Variants in RBFOX1 observed in about 807,000 individuals in gnomAD.
The protein encoded by RBFOX1 is RNA binding fox-1 homolog 1.
Under a neutral mutation model 57.7 loss-of-function variants are expected in RBFOX1, and 8 were observed. That is an observed-to-expected ratio of 0.14 (90% CI 0.08 to 0.25). RBFOX1 has a LOEUF of 0.25. Among genes scored for constraint, RBFOX1 ranks in the 10% least tolerant of loss-of-function variants. The pLI is 1.00. For synonymous variants in RBFOX1, 326 were observed against 222.4 expected (o/e 1.47, Z -4.15); for missense variants, 611 against 548.5 (o/e 1.11, Z -1.14).
At chr16:6,257,959 C>A (rs1036218867) in intron 1 of RBFOX1, among the ~76,000 whole-genome samples, 6 of 152,048 alleles carry the variant, frequency 3.9e-5, no homozygotes, top group African/African-American at 1.4e-4. Flanking sequence ...ATTGCTGAGT[C>A]AGATGGTAGT....
rs142705997 is a variant in RBFOX1, at chr16:6,445,286, C to T, written c.-64+128229C>T. 2.2e-3 allele frequency among the ~76,000 whole-genome samples: 327 copies of T among 152,052 alleles called. 2 individuals carry two copies. The highest frequency in any genetic ancestry group is 1.7e-3 in the East Asian group (9 of 5,156). On this transcript the variant is annotated intron_variant, in intron 2 of 15. Transcript: ENST00000550418. ...TAAGTTGTAGGGTACATGTGCTCAA[C>T]GTGCAGGTTTGTTACATATGTATAC...
At position 6,207,440 on chromosome 16, in the gene RBFOX1, T is replaced by G. The variant is rs74845290; in HGVS notation, c.-126-109555T>G. Among the ~76,000 whole-genome samples the G allele has an allele frequency of 2.6e-3, 389 of 152,230 alleles. 10 individuals carry two copies. In the East Asian group the frequency reaches 0.057, roughly 22 times the overall value. On this transcript the variant is annotated intron_variant, in intron 1 of 15. Transcript: ENST00000550418. The stretch of plus-strand genomic sequence containing the variant: ...AGAGGCAATCCGTTTGACAGAGGTG[T>G]TACTGGAATGATGAAAATCAAGGTG...
At chr16:7,577,174 A>C (rs2093404103) in intron 5 of RBFOX1, among the ~76,000 whole-genome samples, 1 of 152,200 alleles carries the variant, frequency 6.6e-6, no homozygotes, top group African/African-American at 2.4e-5. Flanking sequence ...GAGTGAGCCA[A>C]CTGTTAAACA....
intron 4 of RBFOX1, among the ~76,000 whole-genome samples, chr16:5,991,357 A>C (rs1012874018): frequency 3.3e-5 from 5 of 152,180 alleles, no homozygotes; most frequent in Admixed American, 1.3e-4. Flanking sequence ...GGGTAGCTAC[A>C]GCTCACAGTT....
intron 2 of RBFOX1, among the ~76,000 whole-genome samples, chr16:6,393,942 A>C (rs774436146): frequency 1.9e-4 from 29 of 152,218 alleles, no homozygotes; most frequent in Non-Finnish European, 2.8e-4. Context: ...GAAGAAGAAA[A>C]GTGGGAGAGG....
At chr16:6,895,444 G>GTATATATATATATATA (rs1341028814) in intron 3 of RBFOX1, among the ~76,000 whole-genome samples, 7 of 73,468 alleles carry the variant, frequency 9.5e-5, no homozygotes, top group East Asian at 4.7e-4. Context: ...GTGTGTGTGT[G>GTATATATATATATATA]TGTGTATATA....
chr16:7,596,110 T>C (rs1362177242), intron 8 of RBFOX1, among the ~76,000 whole-genome samples: 1 of 115,378 alleles, frequency 8.7e-6, no homozygotes, highest in Non-Finnish European at 1.7e-5. Flanking sequence ...TTTTGTTTGT[T>C]TGTTTGTTTT....
chr16:7,527,966 T>C (rs551224118), intron 5 of RBFOX1, among the ~76,000 whole-genome samples: 1 of 152,360 alleles, frequency 6.6e-6, no homozygotes, highest in East Asian at 1.9e-4. Context: ...ATTTTGTATT[T>C]AATGATTTAT....
chr16:5,403,466 C>CG (rs1412585566), intron 1 of RBFOX1, among the ~76,000 whole-genome samples: 1 of 151,746 alleles, frequency 6.6e-6, no homozygotes, highest in African/African-American at 2.4e-5. Context: ...TTTTTTGAGA[C>CG]GGAGTGTCAC....
At chr16:5,473,914 G>A (rs1208190404) in intron 2 of RBFOX1, among the ~76,000 whole-genome samples, 1 of 148,842 alleles carries the variant, frequency 6.7e-6, no homozygotes, top group Admixed American at 6.7e-5. Flanking sequence ...AATGAAGGAA[G>A]GAAGGGTGGG....
chr16:7,058,608 G>C (rs969941030), intron 4 of RBFOX1, among the ~76,000 whole-genome samples: 1 of 151,998 alleles, frequency 6.6e-6, no homozygotes, highest in Non-Finnish European at 1.5e-5. Flanking sequence ...ATGTGTCTTC[G>C]TGTTTGTATT....
chr16:6,297,838 A>T (rs1188400104), intron 1 of RBFOX1, among the ~76,000 whole-genome samples: 3 of 152,298 alleles, frequency 2.0e-5, no homozygotes, highest in Admixed American at 2.0e-4. Context: ...GAGATTGGCC[A>T]CTGGGTGGCG....
intron 4 of RBFOX1, among the ~76,000 whole-genome samples, chr16:5,900,784 C>A (rs2058287464): frequency 6.6e-6 from 1 of 152,206 alleles, no homozygotes; most frequent in Non-Finnish European, 1.5e-5. Flanking sequence ...TAGCCTCCTT[C>A]CTCTCCCTAG....
intron 3 of RBFOX1, among the ~76,000 whole-genome samples, chr16:5,648,355 A>G (rs2049117024): frequency 6.6e-6 from 1 of 152,216 alleles, no homozygotes; most frequent in African/African-American, 2.4e-5. Flanking sequence ...AATGCATGCG[A>G]GTGTGATCAG....
intron 1 of RBFOX1, among the ~76,000 whole-genome samples, chr16:6,118,932 A>T (rs770862436): frequency 3.3e-5 from 5 of 151,730 alleles, no homozygotes; most frequent in Non-Finnish European, 7.4e-5. Flanking sequence ...AGGTTTCAAC[A>T]TGTGAATATG....
At chr16:7,093,372 C>T (rs904442481) in intron 4 of RBFOX1, among the ~76,000 whole-genome samples, 4 of 152,298 alleles carry the variant, frequency 2.6e-5, no homozygotes, top group Admixed American at 2.0e-4. Context: ...TCTGTTGTCT[C>T]GAATATTCCA....
chr16:7,176,311 CG>C (rs2081640810), intron 4 of RBFOX1, among the ~76,000 whole-genome samples: 1 of 151,602 alleles, frequency 6.6e-6, no homozygotes, highest in South Asian at 2.1e-4. Flanking sequence ...TAGCTTTTAT[CG>C]TTTTTATGTT....
chr16:6,431,892 G>GCTTTT lies in RBFOX1; in HGVS notation c.-64+114838_-64+114839insTTCTT, dbSNP rs1491491088. Among the ~76,000 whole-genome samples the GCTTTT allele has an allele frequency of 1.8e-3, 208 of 118,232 alleles. 5 individuals are homozygous for GCTTTT. In the East Asian group the frequency reaches 0.025, roughly 14 times the overall value. The allele number at this position is 118,232 out of a possible 152,430, so 77.6% of individuals were successfully genotyped here. ...AACATGTCCAGAAATATGCTTGCTT[G>GCTTTT]CTTGCTTTCTTTCTTTCTTTCTTTC... On this transcript the variant is annotated intron_variant, in intron 2 of 15. Coordinates refer to ENST00000550418, the MANE Select transcript of RBFOX1 (RefSeq NM_018723.4).
intron 4 of RBFOX1, among the ~76,000 whole-genome samples, chr16:7,062,317 C>CAAAAA (rs57989614): frequency 3.6e-3 from 236 of 64,766 alleles, no homozygotes; most frequent in Non-Finnish European, 4.4e-3. Context: ...GACTCCATCT[C>CAAAAA]AAAAAAAAAA....
Sources: allele counts gnomAD v4.1 joint callset (sites outside exome capture counted in the v4.1 genomes callset), GRCh38; gene constraint gnomAD v4.1.1; transcripts MANE v1.5; gene names NCBI Gene and HGNC (gene_info 2026-07-23, HGNC 2026-07-21).